SLC22A9: variants seen among roughly 807,000 people sequenced by gnomAD.
SLC22A9 encodes organic anion transporter 7.
In SLC22A9, 64 loss-of-function variants were observed where a neutral mutation model predicts 50.1. The observed-to-expected ratio is 1.28, with a 90% CI of 1.04 to 1.57. The LOEUF (loss-of-function observed/expected upper bound fraction) is 1.57. Among genes scored for constraint, SLC22A9 ranks in the 40% most tolerant of loss-of-function variants. The pLI, the probability that SLC22A9 is intolerant of heterozygous loss-of-function variation, is 0.00. For synonymous variants in SLC22A9, 261 were observed against 242.5 expected (o/e 1.08, Z -0.71); for missense variants, 757 against 676.1 (o/e 1.12, Z -1.33).
intron 6 of SLC22A9, among the ~76,000 whole-genome samples, chr11:63,396,765 TTC>T (rs1447930056): frequency 6.6e-6 from 1 of 152,204 alleles, no homozygotes; most frequent in Non-Finnish European, 1.5e-5. Context: ...TCTGATTTTT[TTC>T]TCTGTGTTAT....
At position 63,370,579 on chromosome 11, in the gene SLC22A9, A is replaced by G. The variant is rs2014337267; in HGVS notation, c.402+121A>G. On this transcript the variant is annotated intron_variant, in intron 1 of 9. Transcript: ENST00000279178. The stretch of plus-strand genomic sequence containing the variant: ...TCCTTAGTCTTCATTCTTTCAGCAA[A>G]TACTAATTGCTTCTTTATTAAATGT... 4.4e-6 allele frequency: 5 copies of G among 1,138,250 alleles called. No homozygotes were observed. In the East Asian group the frequency reaches 1.3e-4, roughly 29 times the overall value. The allele number at this position is 1,138,250 out of a possible 1,614,324, so 70.5% of individuals were successfully genotyped here. A position where few individuals can be genotyped will look rare whatever the true frequency, so the allele number is the denominator to read the frequency against.
chr11:63,374,347 A>G (rs941082711), intron 4 of SLC22A9, among the ~76,000 whole-genome samples: 19 of 152,194 alleles, frequency 1.2e-4, no homozygotes, highest in Admixed American at 8.5e-4. Flanking sequence ...TATTGTTTAT[A>G]TGAAATTTCA....
At position 63,408,860 on chromosome 11, in the gene SLC22A9, A is replaced by T. The variant is rs763323862; in HGVS notation, c.1582A>T (p.Ile528Phe). The T allele has an allele frequency of 6.2e-7, 1 of 1,613,728 alleles. No individual in the cohort carries two copies. The change falls in exon 9 of 10, where the codon ATC (isoleucine) becomes TTC (phenylalanine). Residue 528 changes from isoleucine to phenylalanine, a missense_variant. Physicochemically the swap from Ile to Phe is conservative, Grantham distance 21. Coordinates refer to ENST00000279178, the MANE Select transcript of SLC22A9 (RefSeq NM_080866.3). Reference sequence around the variant, plus strand: ...CAGGAACAAGCCTCTGTTTGACACCATCCAGGATGAGAAAAATGAGTGAGT... The same window carrying T: ...CAGGAACAAGCCTCTGTTTGACACCTTCCAGGATGAGAAAAATGAGTGAGT... ...ETRNKPLFDT[I>F]QDEKNERKDP...
chr11:63,386,385 C>T (rs1302300253), intron 6 of SLC22A9, among the ~76,000 whole-genome samples: 1 of 147,114 alleles, frequency 6.8e-6, no homozygotes, highest in Non-Finnish European at 1.5e-5. Context: ...GTACCAGCTC[C>T]CCTTTGTACC....
chr11:63,376,764 TA>T (rs376461006), intron 5 of SLC22A9, among the ~76,000 whole-genome samples: 2,606 of 146,668 alleles, frequency 0.018, 32 homozygotes, highest in Non-Finnish European at 0.023. Flanking sequence ...CAAGTTGGAT[TA>T]AAAAAAAAAA....
chr11:63,377,806 A>T (rs1186291136), intron 5 of SLC22A9, among the ~76,000 whole-genome samples: 3 of 152,118 alleles, frequency 2.0e-5, no homozygotes, highest in Admixed American at 1.3e-4. Context: ...ACTTTCTTAA[A>T]CTAATAAAGA....
At chr11:63,370,976 T>G (rs1423194315) in intron 1 of SLC22A9, among the ~76,000 whole-genome samples, 159 bp from the exon 2 acceptor site, 1 of 152,170 alleles carries the variant, frequency 6.6e-6, no homozygotes, top group African/African-American at 2.4e-5. Context: ...ATGTTTAAGT[T>G]GAGACCTGAA....
intron 6 of SLC22A9, among the ~76,000 whole-genome samples, chr11:63,403,889 C>T (rs2014993926): frequency 1.3e-5 from 2 of 151,818 alleles, no homozygotes; most frequent in Admixed American, 1.3e-4. Context: ...GAAATTGGAA[C>T]CCTTGTATAT....
rs762337805 is a variant in SLC22A9 at position 63,408,876 on chromosome 11, A to C, written c.1598A>C (p.Asn533Thr). The part of the protein sequence containing the change: ...PLFDTIQDEK[N>T]ERKDPREPKQ... ...TTTGACACCATCCAGGATGAGAAAA[A>C]TGAGTGAGTAAATAGCCCGGTTGCC... Residue 533 changes from asparagine to threonine, a missense_variant, in exon 9 of 10, where the codon AAT becomes ACT. Physicochemically the swap from Asn to Thr is moderately conservative, Grantham distance 65. Coordinates refer to ENST00000279178, the MANE Select transcript of SLC22A9 (RefSeq NM_080866.3). The C allele has an allele frequency of 6.2e-7, 1 of 1,613,858 alleles. No homozygotes were observed. The highest frequency in any genetic ancestry group is 8.5e-7 in the Non-Finnish European group (1 of 1,179,848).
At chr11:63,388,000 C>T (rs1467644941) in intron 6 of SLC22A9, among the ~76,000 whole-genome samples, 1 of 151,920 alleles carries the variant, frequency 6.6e-6, no homozygotes, top group African/African-American at 2.4e-5. Context: ...ATTTTGTATC[C>T]TGCAGCTTCA....
intron 6 of SLC22A9, among the ~76,000 whole-genome samples, chr11:63,398,116 C>A (rs564090): frequency 6.6e-6 from 1 of 152,102 alleles, no homozygotes; most frequent in African/African-American, 2.4e-5. Flanking sequence ...TCCTGTCAGG[C>A]CTGCGTCCTT....
chr11:63,407,190 A>C (rs914258213), intron 7 of SLC22A9, among the ~76,000 whole-genome samples: 27 of 152,270 alleles, frequency 1.8e-4, no homozygotes, highest in Non-Finnish European at 1.0e-4. Flanking sequence ...CCATAACTGC[A>C]ATCTGGTTTA....
chr11:63,382,367 C>A, intron 6 of SLC22A9, 90 bp downstream of exon 6: 1 of 856,366 alleles, frequency 1.2e-6, no homozygotes, highest in Non-Finnish European at 1.8e-6. Context: ...GTTTAGGAAA[C>A]AGATTTGCAC....
At chr11:63,377,845 A>C (rs981990610) in intron 5 of SLC22A9, among the ~76,000 whole-genome samples, 3 of 152,136 alleles carry the variant, frequency 2.0e-5, no homozygotes, top group African/African-American at 7.2e-5. Context: ...AAATAAATGC[A>C]ATTAGAAATG....
intron 5 of SLC22A9, among the ~76,000 whole-genome samples, chr11:63,377,751 C>T (rs1327942806): frequency 6.6e-6 from 1 of 151,706 alleles, no homozygotes; most frequent in Non-Finnish European, 1.5e-5. Flanking sequence ...TACATATCAA[C>T]AAAACCAAAG....
At chr11:63,371,009 A>G (rs2014348378) in intron 1 of SLC22A9, 126 bp from the exon 2 acceptor site, 1 of 645,414 alleles carries the variant, frequency 1.5e-6, no homozygotes, top group Admixed American at 3.0e-5. Flanking sequence ...GGTAATGCTG[A>G]GAAAGGAAGC....
At chr11:63,376,691 A>G (rs2014465975) in intron 5 of SLC22A9, among the ~76,000 whole-genome samples, 1 of 152,082 alleles carries the variant, frequency 6.6e-6, no homozygotes, top group Non-Finnish European at 1.5e-5. Context: ...AAGCCTCTTA[A>G]TATCCTTACA....
At chr11:63,405,191 T>A (rs1373681144) in intron 6 of SLC22A9, among the ~76,000 whole-genome samples, 2 of 152,060 alleles carry the variant, frequency 1.3e-5, no homozygotes, top group African/African-American at 4.8e-5. Context: ...AAATCAGGTG[T>A]GGGTCACTTA....
intron 5 of SLC22A9, among the ~76,000 whole-genome samples, chr11:63,380,633 G>A (rs966965657): frequency 1.3e-5 from 2 of 151,968 alleles, no homozygotes; most frequent in Non-Finnish European, 2.9e-5. Flanking sequence ...CTAAACATTG[G>A]TCCAAATGGA....
Sources: gnomAD v4.1 joint callset for allele counts (sites outside exome capture counted in the v4.1 genomes callset) on GRCh38, gnomAD v4.1.1 for gene constraint, MANE v1.5 for transcripts, NCBI Gene and HGNC (gene_info 2026-07-23, HGNC 2026-07-21) for gene names.